Variants in TAFA4 observed in about 807,000 individuals in gnomAD.
The protein encoded by TAFA4 is TAFA chemokine like family member 4.
A neutral mutation model predicts 21.1 loss-of-function variants in TAFA4; 20 were observed. The observed-to-expected ratio is 0.95, with a 90% CI of 0.67 to 1.38. The LOEUF (loss-of-function observed/expected upper bound fraction) is 1.38. TAFA4 is among the 40% of genes most tolerant of loss of function. The pLI, the probability that TAFA4 is intolerant of heterozygous loss-of-function variation, is 0.00. For missense variants in TAFA4, 211 were observed against 180.9 expected (o/e 1.17, Z -0.95); for synonymous variants, 71 against 67.4 (o/e 1.05, Z -0.26).
chr3:68,832,978 G>A (rs1381792360), intron 3 of TAFA4, among the ~76,000 whole-genome samples: 4 of 152,208 alleles, frequency 2.6e-5, no homozygotes, highest in Non-Finnish European at 5.9e-5. Flanking sequence ...TGCTACCAGC[G>A]AGCAAGGCTC....
chr3:68,745,385 T>TCTC (rs1347785482), intron 4 of TAFA4, among the ~76,000 whole-genome samples: 5 of 152,208 alleles, frequency 3.3e-5, no homozygotes, highest in Middle Eastern at 3.2e-3. Flanking sequence ...TAATACACTT[T>TCTC]AAATGAGAAA....
In TAFA4 at chr3:68,732,155, C is replaced by G. The variant is rs373094876; in HGVS notation, c.*987G>C. The stretch of plus-strand genomic sequence containing the variant: ...CAAAATCATTAAGCCAATCAGGACT[C>G]AGATTTTAAAGAAATAAGATGGCTA... On this transcript the variant is annotated 3_prime_UTR_variant, in exon 6 of 6. Coordinates refer to ENST00000295569, the MANE Select transcript of TAFA4 (RefSeq NM_182522.5). 1 of 152,466 alleles carries G rather than the reference C, an allele frequency of 6.6e-6. No homozygotes were observed. The highest frequency in any genetic ancestry group is 2.4e-5 in the African/African-American group (1 of 41,400). The allele number at this position is 152,466 out of a possible 1,614,324, so 9.4% of individuals were successfully genotyped here.
intron 3 of TAFA4, among the ~76,000 whole-genome samples, chr3:68,755,055 T>C (rs1195207388): frequency 6.6e-6 from 1 of 152,170 alleles, no homozygotes; most frequent in African/African-American, 2.4e-5. Context: ...TAGGGAGTGA[T>C]TCAGGCCCTT....
intron 1 of TAFA4, among the ~76,000 whole-genome samples, chr3:68,925,342 C>T (rs2090098157): frequency 6.6e-6 from 1 of 152,184 alleles, no homozygotes; most frequent in Non-Finnish European, 1.5e-5. Context: ...GTTTACATTA[C>T]AATCTGGCTC....
At chr3:68,866,861 A>C (rs1156805750) in intron 3 of TAFA4, among the ~76,000 whole-genome samples, 4 of 151,838 alleles carry the variant, frequency 2.6e-5, no homozygotes, top group African/African-American at 9.7e-5. Context: ...CTGTTTGAAA[A>C]TATACAGTCA....
intron 4 of TAFA4, among the ~76,000 whole-genome samples, chr3:68,748,087 TA>T (rs572861754): frequency 2.0e-5 from 3 of 152,196 alleles, no homozygotes; most frequent in Admixed American, 6.5e-5. Flanking sequence ...CCTTCATTAA[TA>T]AAACTTTGTT....
At chr3:68,742,657 A>G (rs1479674432) in intron 4 of TAFA4, among the ~76,000 whole-genome samples, 1 of 152,230 alleles carries the variant, frequency 6.6e-6, no homozygotes, top group Non-Finnish European at 1.5e-5. Context: ...CACCTATCTC[A>G]AATTACCACT....
intron 3 of TAFA4, among the ~76,000 whole-genome samples, chr3:68,779,875 C>T (rs1436977596): frequency 1.3e-5 from 2 of 152,154 alleles, no homozygotes; most frequent in Non-Finnish European, 2.9e-5. Flanking sequence ...AATGGTAGAT[C>T]CACCAACAGC....
At chr3:68,797,243 A>G (rs1703470079) in intron 3 of TAFA4, among the ~76,000 whole-genome samples, 1 of 152,144 alleles carries the variant, frequency 6.6e-6, no homozygotes, top group Non-Finnish European at 1.5e-5. Context: ...GACAGAAGCA[A>G]CCCAAATGCC....
At chr3:68,776,061 A>G (rs573321599) in intron 3 of TAFA4, among the ~76,000 whole-genome samples, 2 of 152,290 alleles carry the variant, frequency 1.3e-5, no homozygotes, top group African/African-American at 4.8e-5. Flanking sequence ...TAGAATTTCA[A>G]AAAGTATTCA....
At chr3:68,767,068 T>C (rs1440305975) in intron 3 of TAFA4, among the ~76,000 whole-genome samples, 4 of 152,196 alleles carry the variant, frequency 2.6e-5, no homozygotes, top group Non-Finnish European at 5.9e-5. Flanking sequence ...GAATATTTTA[T>C]TTATTTCAAT....
chr3:68,880,874 G>C (rs752644612), intron 2 of TAFA4, 29 bp from the exon 3 acceptor site: 2 of 1,588,174 alleles, frequency 1.3e-6, no homozygotes, highest in Non-Finnish European at 1.7e-6. Flanking sequence ...TGGAGTCAGT[G>C]AGGGCTGAGG....
At chr3:68,757,628 C>T (rs1702682935) in intron 3 of TAFA4, among the ~76,000 whole-genome samples, 1 of 152,208 alleles carries the variant, frequency 6.6e-6, no homozygotes, top group Non-Finnish European at 1.5e-5. Flanking sequence ...TAACCATCCA[C>T]AAGTACAAAT....
At chr3:68,904,187 C>T (rs1469754742) in intron 1 of TAFA4, among the ~76,000 whole-genome samples, 2 of 152,170 alleles carry the variant, frequency 1.3e-5, no homozygotes, top group Non-Finnish European at 2.9e-5. Flanking sequence ...ATTATCCCCA[C>T]AGAGGTCCTT....
chr3:68,735,067 G>C (rs1460115345), intron 5 of TAFA4, among the ~76,000 whole-genome samples: 2 of 152,072 alleles, frequency 1.3e-5, no homozygotes, highest in Non-Finnish European at 2.9e-5. Context: ...GCCAATATTA[G>C]CTCTATTCCC....
intron 1 of TAFA4, among the ~76,000 whole-genome samples, chr3:68,927,033 C>A (rs1261344426): frequency 6.6e-6 from 1 of 152,216 alleles, no homozygotes; most frequent in Non-Finnish European, 1.5e-5. Flanking sequence ...CCCATACCAT[C>A]CTGCCCCAAA....
chr3:68,849,075 G>A (rs1199538980), intron 3 of TAFA4, among the ~76,000 whole-genome samples: 1 of 152,096 alleles, frequency 6.6e-6, no homozygotes, highest in Non-Finnish European at 1.5e-5. Context: ...AAAATACAAT[G>A]ATAAATATAG....
At chr3:68,796,058 C>T (rs1228901682) in intron 3 of TAFA4, among the ~76,000 whole-genome samples, 9 of 152,168 alleles carry the variant, frequency 5.9e-5, no homozygotes, top group East Asian at 2.0e-4. Flanking sequence ...CCCAAATAAA[C>T]GGAGTCTCTC....
chr3:68,818,117 T>C (rs1172061841), intron 3 of TAFA4, among the ~76,000 whole-genome samples: 1 of 152,230 alleles, frequency 6.6e-6, no homozygotes, highest in African/African-American at 2.4e-5. Context: ...CTAGATCTTC[T>C]GGATAACTTC....
Sources: gnomAD v4.1 joint callset for allele counts (sites outside exome capture counted in the v4.1 genomes callset) on GRCh38, gnomAD v4.1.1 for gene constraint, MANE v1.5 for transcripts, NCBI Gene and HGNC (gene_info 2026-07-23, HGNC 2026-07-21) for gene names.